The following DPYD variants were observed in gnomAD, a reference collection of about 807,000 sequenced individuals.
DPYD encodes the protein dihydropyrimidine dehydrogenase.
Under a neutral mutation model 116.2 loss-of-function variants are expected in DPYD, and 109 were observed. The ratio of observed to expected loss-of-function variants is 0.94; its 90% CI spans 0.80 to 1.10. The LOEUF (loss-of-function observed/expected upper bound fraction) is 1.10. Among genes scored for constraint, DPYD ranks in the 50% least tolerant of loss-of-function variants. The pLI is 0.00. For synonymous variants in DPYD, 440 were observed against 432.0 expected, an observed-to-expected ratio of 1.02 and a Z score of -0.23; for missense variants, 1,302 against 1,254.5, an observed-to-expected ratio of 1.04 and a Z score of -0.57.
intron 13 of DPYD, among the ~76,000 whole-genome samples, chr1:97,474,483 G>A (rs938624990): frequency 6.6e-6 from 1 of 151,836 alleles, no homozygotes; most frequent in African/African-American, 2.4e-5. Flanking sequence ...TTTGAAAAGA[G>A]AGTTTAGGTA....
intron 1 of DPYD, chr1:97,883,781 C>T: frequency 2.4e-6 from 1 of 423,254 alleles, no homozygotes; most frequent in East Asian, 6.7e-5. Flanking sequence ...CTAAGATTTC[C>T]TCTTACAGGC....
intron 8 of DPYD, among the ~76,000 whole-genome samples, chr1:97,661,919 CATA>C (rs1347851664): frequency 6.8e-6 from 1 of 148,036 alleles, no homozygotes; most frequent in Non-Finnish European, 1.5e-5. Flanking sequence ...CATATACACA[CATA>C]ATATCAAGTT....
chr1:97,592,230 A>T (rs1170389595), intron 10 of DPYD, among the ~76,000 whole-genome samples: 1 of 152,232 alleles, frequency 6.6e-6, no homozygotes, highest in East Asian at 1.9e-4. Context: ...TGTTCTCAGA[A>T]CTAATATTCT....
At chr1:97,214,951 C>T (rs1660277777) in intron 19 of DPYD, among the ~76,000 whole-genome samples, 1 of 152,182 alleles carries the variant, frequency 6.6e-6, no homozygotes, top group African/African-American at 2.4e-5. Context: ...TTTCTACCAC[C>T]CTGAGCTAAG....
intron 3 of DPYD, among the ~76,000 whole-genome samples, chr1:97,776,007 T>G (rs1185897450): frequency 6.6e-6 from 1 of 152,142 alleles, no homozygotes; most frequent in Non-Finnish European, 1.5e-5. Flanking sequence ...ACATGTGATG[T>G]TTGATAAGGT....
intron 20 of DPYD, among the ~76,000 whole-genome samples, chr1:97,113,077 C>T (rs1221838000): frequency 6.6e-6 from 1 of 152,130 alleles, no homozygotes; most frequent in Non-Finnish European, 1.5e-5. Flanking sequence ...GTTTTCAGAA[C>T]ATTGTGGTCA....
intron 12 of DPYD, among the ~76,000 whole-genome samples, chr1:97,527,284 G>T (rs145238792): frequency 1.1e-4 from 17 of 151,980 alleles, no homozygotes; most frequent in Non-Finnish European, 2.4e-4. Context: ...TCACCATGTT[G>T]GCCAGGATGG....
rs886497751 is a variant in DPYD at position 97,659,227 on chromosome 1, C to A, written c.850+19868G>T. ...TTTGTGAAGTCAAGAAAAATGTTTTCCCCTTCATTGAATGCGTAATAACAG... is the reference window on the plus strand; with the variant it reads ...TTTGTGAAGTCAAGAAAAATGTTTTACCCTTCATTGAATGCGTAATAACAG... On this transcript the variant is annotated intron_variant, in intron 8 of 22. Coordinates refer to ENST00000370192, the MANE Select transcript of DPYD (RefSeq NM_000110.4). 3.3e-5 allele frequency among the ~76,000 whole-genome samples: 5 copies of A among 152,084 alleles called. 1 individual carries two copies. Among genetic ancestry groups the A allele is most frequent in the Non-Finnish European group, 7.4e-5 (5 of 68,002 alleles).
intron 2 of DPYD, among the ~76,000 whole-genome samples, chr1:97,828,565 A>G (rs1270471404): frequency 2.0e-5 from 3 of 152,126 alleles, no homozygotes; most frequent in Non-Finnish European, 4.4e-5. Context: ...ATTTAAACTC[A>G]AAAGAGAAAA....
chr1:97,716,570 A>T (rs527659078), intron 5 of DPYD, among the ~76,000 whole-genome samples: 20 of 152,236 alleles, frequency 1.3e-4, no homozygotes, highest in African/African-American at 4.8e-4. Flanking sequence ...GAATTGAGTT[A>T]ACTGGCTTTC....
At chr1:97,532,076 T>A (rs917156049) in intron 12 of DPYD, among the ~76,000 whole-genome samples, 2 of 152,026 alleles carry the variant, frequency 1.3e-5, no homozygotes, top group African/African-American at 4.8e-5. Flanking sequence ...AATAGTTAAT[T>A]TTTCTTCTTG....
At chr1:97,295,592 G>A (rs540458274) in intron 18 of DPYD, 64 of 176,360 alleles carry the variant, frequency 3.6e-4, no homozygotes, top group Non-Finnish European at 4.8e-4. Context: ...CACCATGCCA[G>A]GCTAAGTTTT....
chr1:97,726,472 A>C (rs1292159526), intron 4 of DPYD, among the ~76,000 whole-genome samples: 4 of 151,606 alleles, frequency 2.6e-5, no homozygotes, highest in Non-Finnish European at 5.9e-5. Flanking sequence ...TTCACTTAGT[A>C]AAAGCAACTG....
At chr1:97,288,742 C>A (rs1325400801) in intron 18 of DPYD, among the ~76,000 whole-genome samples, 1 of 148,102 alleles carries the variant, frequency 6.8e-6, no homozygotes, top group Non-Finnish European at 1.5e-5. Flanking sequence ...CAGGAGAGAT[C>A]CAAAATTGAC....
At chr1:97,292,697 C>T (rs972667023) in intron 18 of DPYD, among the ~76,000 whole-genome samples, 4 of 142,436 alleles carry the variant, frequency 2.8e-5, no homozygotes, top group East Asian at 2.1e-4. Context: ...AACACACATG[C>T]GTGCACGCGC....
At chr1:97,348,887 A>G (rs1202568949) in intron 16 of DPYD, among the ~76,000 whole-genome samples, 11 of 152,182 alleles carry the variant, frequency 7.2e-5, no homozygotes, top group South Asian at 2.1e-4. Context: ...CCCTCCCCCA[A>G]TATGGACACT....
At position 97,824,387 on chromosome 1, in the gene DPYD, T is replaced by C. The variant is rs142184881; in HGVS notation, c.233+3727A>G. ...CTCTGTTAAGTGAGAGGCAGTCAAGTGTCATATTAGCAACACAAAAACTTC... is the reference window on the plus strand; with the variant it reads ...CTCTGTTAAGTGAGAGGCAGTCAAGCGTCATATTAGCAACACAAAAACTTC... On this transcript the variant is annotated intron_variant, in intron 3 of 22. Transcript: ENST00000370192. Among the ~76,000 whole-genome samples, 997 of 152,280 alleles carry C rather than the reference T, an allele frequency of 6.5e-3. 15 individuals carry two copies. The highest frequency in any genetic ancestry group is 0.023 in the African/African-American group (939 of 41,550).
At chr1:97,262,249 C>T (rs1407133855) in intron 18 of DPYD, among the ~76,000 whole-genome samples, 1 of 152,050 alleles carries the variant, frequency 6.6e-6, no homozygotes, top group Non-Finnish European at 1.5e-5. Flanking sequence ...TCTTTACGCA[C>T]ACTGGGCATG....
At chr1:97,401,803 T>C (rs1673393688) in intron 14 of DPYD, among the ~76,000 whole-genome samples, 1 of 152,150 alleles carries the variant, frequency 6.6e-6, no homozygotes, top group African/African-American at 2.4e-5. Flanking sequence ...TTAGAGTTAA[T>C]TTTGGTGAAG....
Sources: allele counts gnomAD v4.1 joint callset (sites outside exome capture counted in the v4.1 genomes callset), GRCh38; gene constraint gnomAD v4.1.1; transcripts MANE v1.5; gene names NCBI Gene and HGNC (gene_info 2026-07-23, HGNC 2026-07-21).